UGT2B17: variants seen among roughly 807,000 people sequenced by gnomAD.
UGT2B17 encodes the protein UDP glucuronosyltransferase family 2 member B17.
In UGT2B17, 21 loss-of-function variants were observed where a neutral mutation model predicts 48.2. The observed-to-expected ratio is 0.44, with a 90% CI of 0.31 to 0.63. The LOEUF (loss-of-function observed/expected upper bound fraction) is 0.63. Ranked by LOEUF, UGT2B17 falls within the 20% of genes least tolerant of loss-of-function variation. The probability of loss-of-function intolerance (pLI) is 0.08; values close to 1 mark genes in which losing one functional copy is unlikely to be tolerated. For synonymous variants in UGT2B17, 146 were observed against 238.4 expected (o/e 0.61, Z 3.57); for missense variants, 402 against 696.1 (o/e 0.58, Z 4.75).
rs187204517 is a variant in UGT2B17, at chr4:68,538,589, T to C, written c.1314-685A>G. Among the ~76,000 whole-genome samples the C allele has an allele frequency of 1.1e-4, 14 of 125,996 alleles. 5 individuals carry two copies. The South Asian group carries it at 3.3e-3, about 30-fold the overall frequency. 82.7% of individuals were successfully genotyped at this position (125,996 alleles called of 152,430 possible). On this transcript the variant is annotated intron_variant, in intron 6 of 6. Transcript: ENST00000317746. ...GTGTCACAACTGGTGAAATGTCTCC[T>C]AACTAGTTTCTCAGCTTCTACTCTA...
At chr4:68,548,875 T>C in intron 6 of UGT2B17, among the ~76,000 whole-genome samples, 1 of 125,292 alleles carries the variant, frequency 8.0e-6, no homozygotes, top group Non-Finnish European at 1.7e-5. Flanking sequence ...TTTGCTGAAG[T>C]TGCTTATCAG....
Position 68,546,804 on chromosome 4 carries a change from C to T in UGT2B17, c.1313+3873G>A, listed in dbSNP as rs1343183431. 3.2e-5 allele frequency among the ~76,000 whole-genome samples: 4 copies of T among 124,328 alleles called. 2 individuals are homozygous for T. The highest frequency in any genetic ancestry group is 1.1e-4 in the African/African-American group (4 of 36,440). The allele number at this position is 124,328 out of a possible 152,430, so 81.6% of individuals were successfully genotyped here. On this transcript the variant is annotated intron_variant, in intron 6 of 6. Coordinates refer to ENST00000317746, the MANE Select transcript of UGT2B17 (RefSeq NM_001077.4). The stretch of plus-strand genomic sequence containing the variant: ...ATAACAGACAAACAGAGAGCCAAAT[C>T]ATGAGTGAACTCCCATTCACAATTG...
rs376503009 is a variant in UGT2B17 at position 68,548,819 on chromosome 4, T to C, written c.1313+1858A>G. On this transcript the variant is annotated intron_variant, in intron 6 of 6. Transcript: ENST00000317746. ...GCTCTGCTTGTGTATTGTTGGTGTA[T>C]AGGAATACTTGTAATTTTTGCATAT... Among the ~76,000 whole-genome samples the C allele has an allele frequency of 2.8e-3, 348 of 124,734 alleles. 78 individuals carry two copies. The highest frequency in any genetic ancestry group is 6.1e-3 in the South Asian group (16 of 2,628). The allele number at this position is 124,734 out of a possible 152,430, so 81.8% of individuals were successfully genotyped here. A position where few individuals can be genotyped will look rare whatever the true frequency, so the allele number is the denominator to read the frequency against.
In UGT2B17 at chr4:68,542,982, G is replaced by A. The variant is rs1235817742; in HGVS notation, c.1314-5078C>T. 1.6e-5 allele frequency among the ~76,000 whole-genome samples: 2 copies of A among 126,536 alleles called. 1 individual carries two copies. Among genetic ancestry groups the A allele is most frequent in the Non-Finnish European group, 3.4e-5 (2 of 59,608 alleles). 83.0% of individuals were successfully genotyped at this position (126,536 alleles called of 152,430 possible). A position where few individuals can be genotyped will look rare whatever the true frequency, so the allele number is the denominator to read the frequency against. ...GTGGAGCCCACCGCAGCTCAAGGAC[G>A]CCTGCCTGCCTCTGTAGATCCACCT... is the stretch of plus-strand genomic sequence containing the variant. On this transcript the variant is annotated intron_variant, in intron 6 of 6. Transcript: ENST00000317746.
At chr4:68,565,448 T>G in intron 3 of UGT2B17, 124 bp downstream of exon 3, 1 of 900,820 alleles carries the variant, frequency 1.1e-6, no homozygotes, top group Non-Finnish European at 1.5e-6. Context: ...GATTTTCTAA[T>G]GGCAAGTCCT....
chr4:68,564,234 C>T lies in UGT2B17; in HGVS notation c.873+1338G>A, dbSNP rs563446976. ...TATCTCTTCATTTCTTAACTCTTTT[C>T]AGTAGCTCTCCATTGTCCTTAATGG... On this transcript the variant is annotated intron_variant, in intron 3 of 6. Transcript: ENST00000317746. Among the ~76,000 whole-genome samples, 10 of 117,728 alleles carry T rather than the reference C, an allele frequency of 8.5e-5. 4 individuals are homozygous for T. In the South Asian group the frequency reaches 3.0e-3, roughly 35 times the overall value. 77.2% of individuals were successfully genotyped at this position (117,728 alleles called of 152,430 possible).
intron 3 of UGT2B17, among the ~76,000 whole-genome samples, chr4:68,563,865 G>A (rs1731146629): frequency 8.0e-6 from 1 of 125,718 alleles, no homozygotes; most frequent in African/African-American, 2.7e-5. Context: ...CTAGGATTTT[G>A]CTAGGAAAAT....
At chr4:68,565,824 C>T in intron 2 of UGT2B17, 104 bp from the exon 3 acceptor site, 3 of 976,670 alleles carry the variant, frequency 3.1e-6, no homozygotes, top group Non-Finnish European at 3.9e-6. Flanking sequence ...GAATAACATA[C>T]CTAAAAATAT....
At position 68,540,196 on chromosome 4, in the gene UGT2B17, CAT is replaced by C. The variant is rs1369639372; in HGVS notation, c.1314-2294_1314-2293del. 1.6e-5 allele frequency among the ~76,000 whole-genome samples: 2 copies of C among 125,306 alleles called. 1 individual carries two copies. Among genetic ancestry groups the C allele is most frequent in the Non-Finnish European group, 3.4e-5 (2 of 59,284 alleles). The allele number at this position is 125,306 out of a possible 152,430, so 82.2% of individuals were successfully genotyped here. A position where few individuals can be genotyped will look rare whatever the true frequency, so the allele number is the denominator to read the frequency against. Reference sequence around the variant, plus strand: ...TGTGCAATATATATACACACACACACATATAACACATAGGTTACATTTAATTG... The same window carrying C: ...TGTGCAATATATATACACACACACACATAACACATAGGTTACATTTAATTG... On this transcript the variant is annotated intron_variant, in intron 6 of 6. Transcript: ENST00000317746.
chr4:68,550,690 T>C lies in UGT2B17; in HGVS notation c.1300A>G (p.Ile434Val). The change falls in exon 6 of 7, where the codon ATT becomes GTT. Residue 434 changes from isoleucine (I) to valine (V), a missense_variant. Physicochemically the swap from Ile to Val is conservative, Grantham distance 29. This residue lies in a region of UGT2B17 where 156 missense variants were observed against 258.6 expected (regional missense o/e 0.60). Coordinates refer to ENST00000317746, the MANE Select transcript of UGT2B17 (RefSeq NM_001077.4). ...TGTAATACTCACATAGGGTCATTAA[T>C]GACTGACTTCAATGCATTGAGCAAA... ...RDLLNALKSV[I>V]NDPIYKENIM... 7.3e-7 allele frequency: 1 copy of C among 1,376,440 alleles called. No individual in the cohort carries two copies. The allele number at this position is 1,376,440 out of a possible 1,614,324, so 85.3% of individuals were successfully genotyped here.
rs557858156 is a variant in UGT2B17, at chr4:68,540,859, T to C, written c.1314-2955A>G. On this transcript the variant is annotated intron_variant, in intron 6 of 6. Coordinates refer to ENST00000317746, the MANE Select transcript of UGT2B17 (RefSeq NM_001077.4). ...CCCTCCCTGAGTCCATGTATTCTCA[T>C]TTTTCGACTCCCTCTTATGAGTGAG... 1.6e-5 allele frequency among the ~76,000 whole-genome samples: 2 copies of C among 125,008 alleles called. 1 individual carries two copies. Among genetic ancestry groups the C allele is most frequent in the Non-Finnish European group, 3.4e-5 (2 of 59,176 alleles). 82.0% of individuals were successfully genotyped at this position (125,008 alleles called of 152,430 possible).
Position 68,569,603 on chromosome 4 carries a change from G to T in UGT2B17, c.-64-1055C>A, listed in dbSNP as rs1292915931. 1.6e-5 allele frequency among the ~76,000 whole-genome samples: 2 copies of T among 124,490 alleles called. 1 individual carries two copies. Among genetic ancestry groups the T allele is most frequent in the East Asian group, 1.5e-3 (2 of 1,300 alleles). The allele number at this position is 124,490 out of a possible 152,430, so 81.7% of individuals were successfully genotyped here. A position where few individuals can be genotyped will look rare whatever the true frequency, so the allele number is the denominator to read the frequency against. ...GGATGAGTAACTCCTCCCTTCTCAGGCCCAGTCCCAAGATGCAAGGCTGCT... is the reference window on the plus strand; with the variant it reads ...GGATGAGTAACTCCTCCCTTCTCAGTCCCAGTCCCAAGATGCAAGGCTGCT... On this transcript the variant is annotated intron_variant, in intron 1 of 6. Coordinates refer to ENST00000317746, the MANE Select transcript of UGT2B17 (RefSeq NM_001077.4).
intron 6 of UGT2B17, among the ~76,000 whole-genome samples, chr4:68,544,955 A>G (rs1730766891): frequency 7.9e-6 from 1 of 126,416 alleles, no homozygotes; most frequent in African/African-American, 2.7e-5. Flanking sequence ...AAAGAGACTT[A>G]GACTCCCACA....
chr4:68,567,801 A>G lies in UGT2B17; in HGVS notation c.684T>C (p.Tyr228=), dbSNP rs751923463. The change falls in exon 2 of 7, where the codon TAT becomes TAC. Residue 228 remains tyrosine (Y), a synonymous_variant. Coordinates refer to ENST00000317746, the MANE Select transcript of UGT2B17 (RefSeq NM_001077.4). ...MLYFDFWFQA[Y]DLKKWDQFYS... is the part of the protein sequence containing the mutation. ...AAAACTGGTCCCACTTCTTCAGATCATATGCTTGAAACCAAAAGTCAAAAT... is the reference window on the plus strand; with the variant it reads ...AAAACTGGTCCCACTTCTTCAGATCGTATGCTTGAAACCAAAAGTCAAAAT... The G allele has an allele frequency of 7.3e-7, 1 of 1,364,880 alleles. No homozygotes were observed. The highest frequency in any genetic ancestry group is 2.2e-5 in the Admixed American group (1 of 45,734). The allele number at this position is 1,364,880 out of a possible 1,614,324, so 84.5% of individuals were successfully genotyped here. A position where few individuals can be genotyped will look rare whatever the true frequency, so the allele number is the denominator to read the frequency against.
chr4:68,562,081 G>T (rs1731113668), intron 3 of UGT2B17, among the ~76,000 whole-genome samples: 1 of 124,678 alleles, frequency 8.0e-6, no homozygotes, highest in Non-Finnish European at 1.7e-5. Context: ...AAATATAATT[G>T]AACTTTATGA....
At chr4:68,539,041 T>C (rs7439528) in intron 6 of UGT2B17, among the ~76,000 whole-genome samples, 41,494 of 125,516 alleles carry the variant, frequency 0.33, 13,495 homozygotes, top group Admixed American at 0.43. Context: ...TTCGTTCTTA[T>C]TTTGCTATTT....
intron 6 of UGT2B17, among the ~76,000 whole-genome samples, chr4:68,546,231 C>T (rs187803100): frequency 1.6e-5 from 2 of 125,592 alleles, no homozygotes; most frequent in South Asian, 3.8e-4. Context: ...TCCACCTTGA[C>T]CAAGTGGGCT....
intron 4 of UGT2B17, among the ~76,000 whole-genome samples, chr4:68,559,371 GAGAATGT>G (rs1437746700): frequency 7.9e-6 from 1 of 126,312 alleles, no homozygotes; most frequent in Non-Finnish European, 1.7e-5. Context: ...TACAGATGCT[GAGAATGT>G]AGAAAATTGT....
At chr4:68,548,084 C>G (rs1730850934) in intron 6 of UGT2B17, among the ~76,000 whole-genome samples, 1 of 126,598 alleles carries the variant, frequency 7.9e-6, no homozygotes, top group Admixed American at 8.1e-5. Flanking sequence ...GGTATATACC[C>G]AAAGGGTTAT....
Sources: gnomAD v4.1 joint callset for allele counts (sites outside exome capture counted in the v4.1 genomes callset) on GRCh38, gnomAD v4.1.1 for gene constraint, gnomAD v4.1.1 regional missense constraint, MANE v1.5 for transcripts, NCBI Gene and HGNC (gene_info 2026-07-23, HGNC 2026-07-21) for gene names.